Variants in NECAB1 observed in about 807,000 individuals in gnomAD.
The protein encoded by NECAB1 is N-terminal EF-hand calcium-binding protein 1.
A neutral mutation model predicts 57.5 loss-of-function variants in NECAB1; 29 were observed. That is an observed-to-expected ratio of 0.50 (90% CI 0.38 to 0.69). NECAB1 has a LOEUF of 0.69. NECAB1 is among the 30% of genes least tolerant of loss of function. The pLI, the probability that NECAB1 is intolerant of heterozygous loss-of-function variation, is 0.00. For missense variants in NECAB1, 372 were observed against 413.8 expected, an observed-to-expected ratio of 0.90 and a Z score of 0.88; for synonymous variants, 142 against 147.7, an observed-to-expected ratio of 0.96 and a Z score of 0.28.
chr8:90,793,821 A>G (rs141756023), intron 1 of NECAB1, among the ~76,000 whole-genome samples: 62 of 152,230 alleles, frequency 4.1e-4, no homozygotes, highest in African/African-American at 1.5e-3. Context: ...TTAAAACTAC[A>G]CAAATGGAAA....
intron 8 of NECAB1, among the ~76,000 whole-genome samples, chr8:90,928,834 A>G (rs1023210581): frequency 1.3e-5 from 2 of 152,218 alleles, no homozygotes. Context: ...TGTGATGAAG[A>G]GTTCTTTAGA....
chr8:90,830,227 C>T (rs550872823), intron 3 of NECAB1, among the ~76,000 whole-genome samples: 8 of 152,122 alleles, frequency 5.3e-5, no homozygotes, highest in African/African-American at 1.7e-4. Flanking sequence ...TATTGCAATT[C>T]CAATAGTGGA....
chr8:90,943,953 T>C (rs111745331), intron 10 of NECAB1, among the ~76,000 whole-genome samples: 22 of 152,276 alleles, frequency 1.4e-4, no homozygotes, highest in African/African-American at 4.8e-4. Context: ...GGTTATGCCA[T>C]GTTGCCCTGG....
intron 3 of NECAB1, among the ~76,000 whole-genome samples, chr8:90,853,711 G>A (rs967146545): frequency 6.6e-6 from 1 of 152,110 alleles, no homozygotes; most frequent in African/African-American, 2.4e-5. Context: ...TAAGAAACTA[G>A]TATTGTTGCC....
rs925513095 is a variant in NECAB1 at position 90,956,541 on chromosome 8, T to C, written c.*1029T>C. On this transcript the variant is annotated 3_prime_UTR_variant, in exon 13 of 13. Transcript: ENST00000417640. Reference sequence around the variant, plus strand: ...TGTAGATAGTATACTATCTACACTCTGCTCAACAAGCTCAGAAATTAAATA... The same window carrying C: ...TGTAGATAGTATACTATCTACACTCCGCTCAACAAGCTCAGAAATTAAATA... 6.6e-6 allele frequency: 1 copy of C among 151,866 alleles called. No individual in the cohort carries two copies. Among genetic ancestry groups the C allele is most frequent in the Non-Finnish European group, 1.5e-5 (1 of 67,874 alleles). The allele number at this position is 151,866 out of a possible 1,614,324, so 9.4% of individuals were successfully genotyped here. A position where few individuals can be genotyped will look rare whatever the true frequency, so the allele number is the denominator to read the frequency against.
chr8:90,938,678 G>T (rs968617362), intron 9 of NECAB1, among the ~76,000 whole-genome samples: 4 of 152,190 alleles, frequency 2.6e-5, no homozygotes, highest in Non-Finnish European at 5.9e-5. Context: ...TAGGAAAGGA[G>T]GGGGAAAAGA....
intron 10 of NECAB1, among the ~76,000 whole-genome samples, chr8:90,941,267 C>T (rs967489584): frequency 1.1e-4 from 16 of 152,340 alleles, no homozygotes; most frequent in Admixed American, 7.8e-4. Context: ...GGCGCCAACT[C>T]TAGGACATCT....
chr8:90,808,843 C>T (rs1158992292), intron 2 of NECAB1, among the ~76,000 whole-genome samples: 1 of 151,922 alleles, frequency 6.6e-6, no homozygotes, highest in Non-Finnish European at 1.5e-5. Flanking sequence ...GACGGGGTTT[C>T]ACCATGCTGG....
At chr8:90,921,385 C>T (rs1382673694) in intron 6 of NECAB1, among the ~76,000 whole-genome samples, 1 of 152,016 alleles carries the variant, frequency 6.6e-6, no homozygotes, top group Non-Finnish European at 1.5e-5. Flanking sequence ...TTGCAACCTG[C>T]AGGTCAGGCA....
At chr8:90,844,656 A>T (rs976400750) in intron 3 of NECAB1, among the ~76,000 whole-genome samples, 2 of 152,094 alleles carry the variant, frequency 1.3e-5, no homozygotes, top group African/African-American at 4.8e-5. Flanking sequence ...ACAGGGGAAA[A>T]CAGCATAGAT....
At chr8:90,797,723 T>G (rs1811685955) in intron 1 of NECAB1, among the ~76,000 whole-genome samples, 1 of 152,220 alleles carries the variant, frequency 6.6e-6, no homozygotes, top group South Asian at 2.1e-4. Context: ...CAGGGTTAAC[T>G]TCATTGCAGC....
chr8:90,843,841 C>A (rs138640949), intron 3 of NECAB1, among the ~76,000 whole-genome samples: 317 of 152,250 alleles, frequency 2.1e-3, no homozygotes, highest in African/African-American at 7.3e-3. Flanking sequence ...TGGCAGAGAA[C>A]TTCTAGTCTA....
chr8:90,884,547 GA>G (rs1808924866), intron 5 of NECAB1, among the ~76,000 whole-genome samples: 1 of 152,140 alleles, frequency 6.6e-6, no homozygotes, highest in South Asian at 2.1e-4. Flanking sequence ...AAGCTGAAAT[GA>G]TACCATATGT....
intron 3 of NECAB1, among the ~76,000 whole-genome samples, chr8:90,864,765 G>C (rs759820259): frequency 4.6e-5 from 7 of 152,080 alleles, no homozygotes; most frequent in Admixed American, 1.3e-4. Flanking sequence ...ACCATGTAGT[G>C]GGGAAGAGGG....
intron 6 of NECAB1, among the ~76,000 whole-genome samples, chr8:90,917,881 T>TGTGCGC (rs33942093): frequency 1.7e-5 from 2 of 117,866 alleles, no homozygotes; most frequent in East Asian, 3.1e-4. Flanking sequence ...TGTGTGTGTG[T>TGTGCGC]GCGTGTATAT....
intron 3 of NECAB1, among the ~76,000 whole-genome samples, chr8:90,838,403 G>T (rs1371321801): frequency 6.6e-6 from 1 of 152,124 alleles, no homozygotes; most frequent in East Asian, 1.9e-4. Context: ...ATACATTTAA[G>T]AAACACTAAT....
chr8:90,906,889 A>ATATATG (rs1809676995), intron 5 of NECAB1, among the ~76,000 whole-genome samples: 2 of 72,856 alleles, frequency 2.7e-5, no homozygotes, highest in African/African-American at 1.1e-4. Context: ...ATATATATAT[A>ATATATG]TATATATATA....
chr8:90,864,098 C>A (rs1244778626), intron 3 of NECAB1, among the ~76,000 whole-genome samples: 1 of 151,980 alleles, frequency 6.6e-6, no homozygotes, highest in Admixed American at 6.6e-5. Context: ...CATCCAAGCA[C>A]ACAATTTAGT....
rs1554574061 is a variant in NECAB1 at position 90,906,885 on chromosome 8, A to ATATATGTATATATATATATGTATG, written c.358-10602_358-10601insGTATATATATATATGTATGTATAT. Among the ~76,000 whole-genome samples the ATATATGTATATATATATATGTATG allele has an allele frequency of 1.3e-3, 154 of 120,914 alleles. 2 individuals are homozygous for ATATATGTATATATATATATGTATG. The highest frequency in any genetic ancestry group is 4.9e-3 in the African/African-American group (141 of 28,488). The allele number at this position is 120,914 out of a possible 152,430, so 79.3% of individuals were successfully genotyped here. ...TTACATATGATATACACATATATAT[A>ATATATGTATATATATATATGTATG]TATATATATATATATATATATATAT... On this transcript the variant is annotated intron_variant, in intron 5 of 12. Coordinates refer to ENST00000417640, the MANE Select transcript of NECAB1 (RefSeq NM_022351.5).
Sources: allele counts gnomAD v4.1 joint callset (sites outside exome capture counted in the v4.1 genomes callset), GRCh38; gene constraint gnomAD v4.1.1; transcripts MANE v1.5; gene names NCBI Gene and HGNC (gene_info 2026-07-23, HGNC 2026-07-21).